Variants in NEGR1 observed in about 807,000 individuals in gnomAD.
The protein encoded by NEGR1 is neuronal growth regulator 1.
A neutral mutation model predicts 40.9 loss-of-function variants in NEGR1; 10 were observed. The observed-to-expected ratio is 0.24, with a 90% CI of 0.15 to 0.42. The LOEUF (loss-of-function observed/expected upper bound fraction) is 0.42. Among genes scored for constraint, NEGR1 ranks in the 10% least tolerant of loss-of-function variants. The probability of loss-of-function intolerance (pLI) is 1.00; values close to 1 mark genes in which losing one functional copy is unlikely to be tolerated. For missense variants in NEGR1, 352 were observed against 438.9 expected (o/e 0.80, Z 1.77); for synonymous variants, 185 against 166.8 (o/e 1.11, Z -0.84).
intron 3 of NEGR1, among the ~76,000 whole-genome samples, chr1:71,730,485 A>AT (rs1654822720): frequency 6.7e-6 from 1 of 149,796 alleles, no homozygotes; most frequent in Non-Finnish European, 1.5e-5. Flanking sequence ...TAAGATGCAA[A>AT]TTACTATCAT....
At chr1:71,666,006 T>TA (rs1252467407) in intron 4 of NEGR1, among the ~76,000 whole-genome samples, 2 of 152,142 alleles carry the variant, frequency 1.3e-5, no homozygotes, top group African/African-American at 2.4e-5. Context: ...TTGGATTCAA[T>TA]AAAAAACTAG....
intron 6 of NEGR1, among the ~76,000 whole-genome samples, chr1:71,543,216 G>C (rs1647773402): frequency 6.6e-6 from 1 of 151,494 alleles, no homozygotes; most frequent in South Asian, 2.1e-4. Flanking sequence ...GTTTTGGTGT[G>C]GACATTTGTA....
chr1:72,232,258 A>G lies in NEGR1; in HGVS notation c.176+50061T>C, dbSNP rs528493852. Among the ~76,000 whole-genome samples the G allele has an allele frequency of 3.3e-4, 50 of 151,912 alleles. 3 individuals are homozygous for G. The East Asian group carries it at 9.7e-3, about 30-fold the overall frequency. On this transcript the variant is annotated intron_variant, in intron 1 of 6. Coordinates refer to ENST00000357731, the MANE Select transcript of NEGR1 (RefSeq NM_173808.3). ...TGTAATCCCAGCTACTCGGAAGGCT[A>G]AGGCAGGAGAATCACTTGAACCCGG...
chr1:71,757,681 T>A (rs948332421), intron 3 of NEGR1, among the ~76,000 whole-genome samples: 4 of 152,106 alleles, frequency 2.6e-5, no homozygotes, highest in East Asian at 1.9e-4. Flanking sequence ...CCAGAGTTTA[T>A]GAAATCTGAA....
intron 2 of NEGR1, among the ~76,000 whole-genome samples, chr1:71,799,740 T>G (rs1657485698): frequency 6.6e-6 from 1 of 151,320 alleles, no homozygotes; most frequent in Admixed American, 6.6e-5. Flanking sequence ...TGAGATGGAG[T>G]CTGGCTCTGT....
chr1:71,567,480 T>C (rs1443187437), intron 6 of NEGR1, among the ~76,000 whole-genome samples: 1 of 152,164 alleles, frequency 6.6e-6, no homozygotes, highest in African/African-American at 2.4e-5. Context: ...GATCACTTAA[T>C]TGCATTTACT....
intron 2 of NEGR1, among the ~76,000 whole-genome samples, chr1:71,808,089 C>T (rs1221737596): frequency 6.6e-6 from 1 of 152,004 alleles, no homozygotes; most frequent in Non-Finnish European, 1.5e-5. Flanking sequence ...TATAAAATGG[C>T]ACATGATATC....
chr1:71,778,610 T>C (rs1656592443), intron 2 of NEGR1, among the ~76,000 whole-genome samples: 1 of 152,184 alleles, frequency 6.6e-6, no homozygotes, highest in Non-Finnish European at 1.5e-5. Flanking sequence ...AATTATATAG[T>C]GCTTTTTTCC....
intron 4 of NEGR1, among the ~76,000 whole-genome samples, chr1:71,663,820 G>A (rs1442062593): frequency 6.6e-6 from 1 of 152,194 alleles, no homozygotes; most frequent in African/African-American, 2.4e-5. Flanking sequence ...GAAGGACTAG[G>A]TTTGTGAATT....
intron 1 of NEGR1, among the ~76,000 whole-genome samples, chr1:72,137,110 G>A (rs1650497348): frequency 6.6e-6 from 1 of 152,126 alleles, no homozygotes; most frequent in East Asian, 1.9e-4. Flanking sequence ...ATGCTGGAGA[G>A]GATGTGAAGA....
At chr1:71,938,619 C>A (rs889732044) in intron 1 of NEGR1, among the ~76,000 whole-genome samples, 25 of 151,770 alleles carry the variant, frequency 1.6e-4, no homozygotes, top group African/African-American at 5.8e-4. Flanking sequence ...AGGGTGAGAG[C>A]CAAGTAGAGG....
intron 3 of NEGR1, 143 bp from the exon 4 acceptor site, chr1:71,698,282 C>T: frequency 1.4e-6 from 1 of 736,378 alleles, no homozygotes; most frequent in Non-Finnish European, 2.2e-6. Flanking sequence ...TTTTGTTCTT[C>T]TATGTTCAGA....
chr1:71,753,626 A>C (rs1405346827), intron 3 of NEGR1, among the ~76,000 whole-genome samples: 1 of 152,192 alleles, frequency 6.6e-6, no homozygotes, highest in African/African-American at 2.4e-5. Flanking sequence ...ATTGTTAACA[A>C]GATTTCTCCC....
At chr1:71,457,456 C>T (rs1646680953) in intron 6 of NEGR1, among the ~76,000 whole-genome samples, 2 of 152,144 alleles carry the variant, frequency 1.3e-5, no homozygotes, top group South Asian at 2.1e-4. Context: ...TTCTTTCAGT[C>T]ATTCATCGCA....
chr1:71,481,389 A>G (rs1646852992), intron 6 of NEGR1, among the ~76,000 whole-genome samples: 1 of 151,896 alleles, frequency 6.6e-6, no homozygotes, highest in Non-Finnish European at 1.5e-5. Context: ...ATTTTTCAAG[A>G]CCTAAATTGT....
intron 1 of NEGR1, among the ~76,000 whole-genome samples, chr1:72,030,263 T>C (rs1425200278): frequency 3.9e-5 from 6 of 151,926 alleles, no homozygotes; most frequent in African/African-American, 1.2e-4. Context: ...GGTGCAATCT[T>C]GGCTCACTAC....
chr1:71,677,840 T>C (rs1005033128), intron 4 of NEGR1, among the ~76,000 whole-genome samples: 6 of 152,174 alleles, frequency 3.9e-5, no homozygotes, highest in African/African-American at 1.2e-4. Flanking sequence ...AATCTGAGAC[T>C]CGAGTTGTGA....
At chr1:72,265,125 A>AT (rs1218218467) in intron 1 of NEGR1, among the ~76,000 whole-genome samples, 1 of 150,736 alleles carries the variant, frequency 6.6e-6, no homozygotes, top group Non-Finnish European at 1.5e-5. Flanking sequence ...TACGTAGCAG[A>AT]TTTTTTTTCT....
intron 1 of NEGR1, among the ~76,000 whole-genome samples, chr1:72,217,096 A>C (rs2100474618): frequency 6.6e-6 from 1 of 151,882 alleles, no homozygotes; most frequent in African/African-American, 2.4e-5. Flanking sequence ...CCCCAATTTT[A>C]AAATCTTGAA....
Sources: allele counts gnomAD v4.1 joint callset (sites outside exome capture counted in the v4.1 genomes callset), GRCh38; gene constraint gnomAD v4.1.1; transcripts MANE v1.5; gene names NCBI Gene and HGNC (gene_info 2026-07-23, HGNC 2026-07-21).